Variants in CDC42BPA observed in about 807,000 individuals in gnomAD.
The protein encoded by CDC42BPA is serine/threonine-protein kinase MRCK alpha.
CDC42BPA carries 80 observed loss-of-function variants against 223.5 expected under a neutral mutation model. The ratio of observed to expected loss-of-function variants is 0.36; its 90% CI spans 0.30 to 0.43. The LOEUF is 0.43. CDC42BPA is among the 20% of genes least tolerant of loss of function. CDC42BPA has a pLI of 1.00. For missense variants in CDC42BPA, 1,743 were observed against 2,099.9 expected (o/e 0.83, Z 3.32); for synonymous variants, 694 against 718.6 (o/e 0.97, Z 0.55).
intron 3 of CDC42BPA, among the ~76,000 whole-genome samples, chr1:227,201,055 A>G (rs1306386856): frequency 6.6e-6 from 1 of 152,202 alleles, no homozygotes; most frequent in African/African-American, 2.4e-5. Flanking sequence ...GATTTTTTAA[A>G]GTTGTAGTTT....
intron 10 of CDC42BPA, among the ~76,000 whole-genome samples, chr1:227,137,357 G>A (rs538620626): frequency 9.9e-5 from 15 of 152,084 alleles, no homozygotes; most frequent in Admixed American, 5.9e-4. Context: ...TGAAAAACGC[G>A]GACGATAAGT....
intron 1 of CDC42BPA, among the ~76,000 whole-genome samples, chr1:227,282,188 CAAAAA>C (rs10715170): frequency 9.5e-6 from 1 of 105,696 alleles, no homozygotes. Flanking sequence ...AACTCCGTCT[CAAAAA>C]AAAAAAAAAA....
chr1:227,228,322 C>G (rs1348960961), intron 2 of CDC42BPA, among the ~76,000 whole-genome samples: 2 of 152,232 alleles, frequency 1.3e-5, no homozygotes, highest in African/African-American at 4.8e-5. Flanking sequence ...ACCATGTTTT[C>G]AAGGCTCATT....
chr1:227,033,552 TC>T (rs1669708364), intron 26 of CDC42BPA, 137 bp from the exon 27 acceptor site: 2 of 607,260 alleles, frequency 3.3e-6, no homozygotes, highest in Non-Finnish European at 3.0e-6. Flanking sequence ...AAATTAATTT[TC>T]CCCCATTGTA....
chr1:227,255,446 AAGAG>A (rs35829988), intron 1 of CDC42BPA, among the ~76,000 whole-genome samples: 46,662 of 151,882 alleles, frequency 0.31, 7,319 homozygotes, highest in East Asian at 0.37. Context: ...AAGGAAAGGA[AAGAG>A]AGAGAGGATT....
intron 10 of CDC42BPA, among the ~76,000 whole-genome samples, chr1:227,136,356 C>T (rs1379395264): frequency 1.3e-5 from 2 of 152,004 alleles, no homozygotes; most frequent in African/African-American, 2.4e-5. Context: ...ACACAAAAAA[C>T]AGAAAGAACG....
intron 30 of CDC42BPA, among the ~76,000 whole-genome samples, chr1:227,027,208 C>T (rs78074762): frequency 0.022 from 3,408 of 152,224 alleles, 49 homozygotes; most frequent in Middle Eastern, 0.041. Context: ...ATAGTTAAGT[C>T]GTTCATCCCA....
rs1479367068 is a variant in CDC42BPA, at chr1:227,317,000, C to T, written c.178+5G>A. The T allele has an allele frequency of 1.2e-6, 2 of 1,608,138 alleles. No homozygotes were observed. On this transcript the variant is annotated splice_donor_5th_base_variant and intron_variant, in intron 1 of 36. Transcript: ENST00000366766. ...TAACAGTTTCTTTAAAAATTACAAA[C>T]TTACCCCATTCTAGGTATTCGAGAA...
chr1:227,176,635 C>T (rs1360867229), intron 5 of CDC42BPA, among the ~76,000 whole-genome samples: 13 of 152,002 alleles, frequency 8.6e-5, no homozygotes, highest in Non-Finnish European at 7.4e-5. Flanking sequence ...TGAGCAATAC[C>T]AGTCCTTATA....
chr1:227,143,045 T>A (rs533464185), intron 8 of CDC42BPA, 21 bp from the exon 9 acceptor site: 2 of 1,473,298 alleles, frequency 1.4e-6, no homozygotes, highest in South Asian at 2.8e-5. Flanking sequence ...AAAAAACATC[T>A]GGTAAGAAAT....
intron 2 of CDC42BPA, among the ~76,000 whole-genome samples, chr1:227,220,282 T>TTTTTTATATATA (rs748787987): frequency 2.0e-5 from 2 of 100,896 alleles, no homozygotes; most frequent in Admixed American, 1.1e-4. Context: ...AAAAGTCATG[T>TTTTTTATATATA]TATATATATA....
intron 2 of CDC42BPA, among the ~76,000 whole-genome samples, chr1:227,214,189 G>C (rs1674429626): frequency 1.3e-5 from 2 of 149,946 alleles, no homozygotes; most frequent in South Asian, 4.2e-4. Context: ...TCCAAAAACA[G>C]AGTATAGGTT....
intron 16 of CDC42BPA, among the ~76,000 whole-genome samples, chr1:227,082,692 G>A (rs1460418783): frequency 1.5e-5 from 2 of 134,514 alleles, no homozygotes; most frequent in African/African-American, 2.8e-5. Context: ...TGCAGCCTGG[G>A]TGACAGAATG....
intron 5 of CDC42BPA, among the ~76,000 whole-genome samples, chr1:227,175,618 T>C (rs1051941067): frequency 6.6e-6 from 1 of 152,136 alleles, no homozygotes; most frequent in African/African-American, 2.4e-5. Flanking sequence ...TACAGGCACA[T>C]CTGATGAGTT....
intron 34 of CDC42BPA, chr1:227,010,748 C>A: frequency 6.9e-6 from 2 of 291,882 alleles, no homozygotes; most frequent in East Asian, 1.4e-4. Flanking sequence ...AGAAGTTTGG[C>A]AGAAGAGAAA....
intron 3 of CDC42BPA, among the ~76,000 whole-genome samples, chr1:227,200,073 G>A (rs927072642): frequency 3.3e-5 from 5 of 152,006 alleles, no homozygotes; most frequent in Non-Finnish European, 7.4e-5. Context: ...GAAGTCAGTG[G>A]ATAGTCCAAT....
chr1:227,236,807 C>A (rs1409082665), intron 2 of CDC42BPA, among the ~76,000 whole-genome samples: 1 of 152,058 alleles, frequency 6.6e-6, no homozygotes, highest in Admixed American at 6.6e-5. Flanking sequence ...GTGGCTCATG[C>A]CTGTAATCCC....
intron 1 of CDC42BPA, among the ~76,000 whole-genome samples, chr1:227,266,173 T>A (rs533906056): frequency 6.6e-6 from 1 of 152,332 alleles, no homozygotes; most frequent in East Asian, 1.9e-4. Context: ...ATAAGCCCTT[T>A]CCCCTTTTCC....
In CDC42BPA at chr1:227,034,686, T is replaced by G; in HGVS notation, c.3445A>C (p.Ser1149Arg). The G allele has an allele frequency of 6.2e-7, 1 of 1,613,526 alleles. No homozygotes were observed. The highest frequency in any genetic ancestry group is 8.5e-7 in the Non-Finnish European group (1 of 1,179,662). The change falls in exon 26 of 37, where the codon AGT becomes CGT. Residue 1149 changes from serine to arginine, a missense_variant. This residue lies in a region of CDC42BPA where 678 missense variants were observed against 777.5 expected (regional missense o/e 0.87). Coordinates refer to ENST00000366766, the MANE Select transcript of CDC42BPA (RefSeq NM_001394014.1). ...TCAATCACTTGACTAATGACAACAC[T>G]GGGCTGAGATGCTTTTCCTTCAGCA... ...DIAEGKASQP[S>R]VVISQVIDMR...
Sources: gnomAD v4.1 joint callset for allele counts (sites outside exome capture counted in the v4.1 genomes callset) on GRCh38, gnomAD v4.1.1 for gene constraint, gnomAD v4.1.1 regional missense constraint, MANE v1.5 for transcripts, NCBI Gene and HGNC (gene_info 2026-07-23, HGNC 2026-07-21) for gene names.